The following TMEM135 variants were observed in gnomAD, a reference collection of about 807,000 sequenced individuals.
TMEM135 encodes transmembrane protein 135, also known as peroxisomal membrane protein 52.
TMEM135 carries 30 observed loss-of-function variants against 60.3 expected under a neutral mutation model. That is an observed-to-expected ratio of 0.50 (90% confidence interval 0.37 to 0.68). TMEM135 has a LOEUF of 0.68. Among genes scored for constraint, TMEM135 ranks in the 30% least tolerant of loss-of-function variants. The pLI is 0.00. For synonymous variants in TMEM135, 190 were observed against 186.7 expected (o/e 1.02, Z -0.14); for missense variants, 468 against 548.8 (o/e 0.85, Z 1.47).
intron 6 of TMEM135, among the ~76,000 whole-genome samples, chr11:87,237,174 A>C (rs1016240890): frequency 6.6e-6 from 1 of 151,998 alleles, no homozygotes; most frequent in African/African-American, 2.4e-5. Flanking sequence ...TTTCATTGAC[A>C]CTGGTCTCAG....
chr11:87,228,275 A>G (rs1386056019), intron 5 of TMEM135, among the ~76,000 whole-genome samples: 1 of 152,142 alleles, frequency 6.6e-6, no homozygotes, highest in African/African-American at 2.4e-5. Flanking sequence ...AAGGAGGGTG[A>G]GAATTTGTGG....
Position 87,328,023 on chromosome 11 carries a change from C to T in TMEM135, c.*6690C>T, listed in dbSNP as rs1942939956. The T allele has an allele frequency of 2.2e-6, 1 of 454,090 alleles. No individual in the cohort carries two copies. The highest frequency in any genetic ancestry group is 4.4e-6 in the Non-Finnish European group (1 of 226,796). The allele number at this position is 454,090 out of a possible 1,614,324, so 28.1% of individuals were successfully genotyped here. A position where few individuals can be genotyped will look rare whatever the true frequency, so the allele number is the denominator to read the frequency against. On this transcript the variant is annotated 3_prime_UTR_variant, in exon 15 of 15. Transcript: ENST00000305494. ...TCCTCTGGAAACACCCTCACAGACA[C>T]ACCCCAAAATAATGCCTTACCAGTT...
intron 6 of TMEM135, among the ~76,000 whole-genome samples, chr11:87,278,293 G>A (rs539636653): frequency 5.9e-5 from 9 of 151,742 alleles, no homozygotes; most frequent in African/African-American, 2.2e-4. Flanking sequence ...AAAGTGTAAT[G>A]TGTTTCATAA....
intron 6 of TMEM135, among the ~76,000 whole-genome samples, chr11:87,252,593 A>AG (rs1941439330): frequency 6.6e-6 from 1 of 151,892 alleles, no homozygotes; most frequent in African/African-American, 2.4e-5. Context: ...ACCAACATGG[A>AG]GAAACCCCGT....
intron 3 of TMEM135, among the ~76,000 whole-genome samples, chr11:87,083,950 A>G (rs1857043964): frequency 6.6e-6 from 1 of 152,018 alleles, no homozygotes. Flanking sequence ...TAGAACATAT[A>G]ATTATTTTTA....
At chr11:87,179,978 T>C (rs1591082134) in intron 5 of TMEM135, among the ~76,000 whole-genome samples, 1 of 152,282 alleles carries the variant, frequency 6.6e-6, no homozygotes, top group Admixed American at 6.5e-5. Flanking sequence ...TTTTCCCCTT[T>C]CTTTTTCTCC....
At chr11:87,294,254 A>G (rs1472335639) in intron 6 of TMEM135, among the ~76,000 whole-genome samples, 1 of 152,160 alleles carries the variant, frequency 6.6e-6, no homozygotes, top group African/African-American at 2.4e-5. Context: ...ATTTTCTCAG[A>G]TTCTGTACTG....
At chr11:87,182,058 T>A (rs1269507852) in intron 5 of TMEM135, among the ~76,000 whole-genome samples, 1 of 151,736 alleles carries the variant, frequency 6.6e-6, no homozygotes, top group Non-Finnish European at 1.5e-5. Context: ...GAAAAGCATT[T>A]GCCAAAACTA....
chr11:87,139,122 A>G (rs1938194056), intron 4 of TMEM135, among the ~76,000 whole-genome samples: 1 of 152,170 alleles, frequency 6.6e-6, no homozygotes, highest in Admixed American at 6.5e-5. Flanking sequence ...GATAAAATCT[A>G]TCTCTAAAGC....
At chr11:87,173,446 A>G (rs576541709) in intron 5 of TMEM135, among the ~76,000 whole-genome samples, 1 of 152,300 alleles carries the variant, frequency 6.6e-6, no homozygotes, top group South Asian at 2.1e-4. Flanking sequence ...TCAGCTTTCA[A>G]AAAGTTTTAT....
At chr11:87,070,349 T>A (rs2135140675) in intron 2 of TMEM135, among the ~76,000 whole-genome samples, 1 of 151,840 alleles carries the variant, frequency 6.6e-6, no homozygotes, top group South Asian at 2.1e-4. Context: ...CTCCAAATAT[T>A]TTTTTTTCTC....
intron 5 of TMEM135, among the ~76,000 whole-genome samples, chr11:87,212,690 G>A (rs1190595073): frequency 6.6e-6 from 1 of 152,024 alleles, no homozygotes; most frequent in Non-Finnish European, 1.5e-5. Context: ...GGACATGGTG[G>A]CATGTGCTTG....
At chr11:87,235,438 C>T (rs1412892190) in intron 5 of TMEM135, among the ~76,000 whole-genome samples, 3 of 151,848 alleles carry the variant, frequency 2.0e-5, no homozygotes, top group Non-Finnish European at 4.4e-5. Flanking sequence ...ATTTCTAAGT[C>T]ATTCAGGCTG....
intron 4 of TMEM135, among the ~76,000 whole-genome samples, chr11:87,108,446 T>A (rs2135194772): frequency 6.6e-6 from 1 of 152,276 alleles, no homozygotes; most frequent in East Asian, 1.9e-4. Flanking sequence ...TTCATTTTAT[T>A]TTTCTTCTCT....
chr11:87,318,306 GAAAC>G, intron 13 of TMEM135, 71 bp downstream of exon 13: 1 of 1,063,874 alleles, frequency 9.4e-7, no homozygotes, highest in Non-Finnish European at 1.4e-6. Context: ...AAATGGGAGA[GAAAC>G]AAACTCTGGG....
chr11:87,249,634 G>A (rs1941370285), intron 6 of TMEM135, among the ~76,000 whole-genome samples: 1 of 152,026 alleles, frequency 6.6e-6, no homozygotes, highest in Admixed American at 6.6e-5. Context: ...ATTTGCTTAT[G>A]TTGAAACATC....
intron 4 of TMEM135, among the ~76,000 whole-genome samples, chr11:87,149,372 G>A (rs1339739839): frequency 6.6e-6 from 1 of 152,072 alleles, no homozygotes; most frequent in African/African-American, 2.4e-5. Flanking sequence ...TAGTGTCTTC[G>A]TCATTCTCAG....
intron 5 of TMEM135, among the ~76,000 whole-genome samples, chr11:87,192,782 A>G (rs1056598170): frequency 6.6e-6 from 1 of 152,090 alleles, no homozygotes; most frequent in African/African-American, 2.4e-5. Flanking sequence ...TAAGAATGTG[A>G]TTGTATGTGT....
At position 87,325,406 on chromosome 11, in the gene TMEM135, C is replaced by T; in HGVS notation, c.*4073C>T. The T allele has an allele frequency of 2.2e-6, 1 of 454,020 alleles. No homozygotes were observed. Among genetic ancestry groups the T allele is most frequent in the Non-Finnish European group, 4.4e-6 (1 of 226,782 alleles). The allele number at this position is 454,020 out of a possible 1,614,324, so 28.1% of individuals were successfully genotyped here. Reference sequence around the variant, plus strand: ...ATAAGAATGTGTGCTATTTTACACACAGAAGAAAATGATTGACTTTTGGTT... The same window carrying T: ...ATAAGAATGTGTGCTATTTTACACATAGAAGAAAATGATTGACTTTTGGTT... On this transcript the variant is annotated 3_prime_UTR_variant, in exon 15 of 15. Transcript: ENST00000305494.
Sources: allele counts gnomAD v4.1 joint callset (sites outside exome capture counted in the v4.1 genomes callset), GRCh38; gene constraint gnomAD v4.1.1; transcripts MANE v1.5; gene names NCBI Gene and HGNC (gene_info 2026-07-23, HGNC 2026-07-21).